The following CDC14B variants were observed in gnomAD, a reference collection of about 807,000 sequenced individuals.
CDC14B encodes cell division cycle 14B, also known as dual specificity protein phosphatase CDC14B.
Under a neutral mutation model 64.2 loss-of-function variants are expected in CDC14B, and 22 were observed. The observed-to-expected ratio is 0.34, with a 90% CI of 0.24 to 0.49. CDC14B has a LOEUF of 0.49. Among genes scored for constraint, CDC14B ranks in the 20% least tolerant of loss-of-function variants. The pLI is 0.99. For synonymous variants in CDC14B, 191 were observed against 215.8 expected, an observed-to-expected ratio of 0.89 and a Z score of 1.01; for missense variants, 498 against 629.9, an observed-to-expected ratio of 0.79 and a Z score of 2.24.
In CDC14B at chr9:96,564,790, T is replaced by C. The variant is rs558364010; in HGVS notation, c.314A>G (p.Asn105Ser). 96 of 1,596,382 alleles carry C rather than the reference T, an allele frequency of 6.0e-5. No homozygotes were observed. In the East Asian group the frequency reaches 1.8e-3, roughly 29 times the overall value. Residue 105 changes from asparagine (N) to serine (S), a missense_variant, in exon 3 of 14, where the codon AAT (asparagine) becomes AGT (serine). Coordinates refer to ENST00000375241, the MANE Select transcript of CDC14B (RefSeq NM_033331.4). ...AMVYRYCCKINKKLKSITMLR... is the reference protein window; with the variant it reads ...AMVYRYCCKISKKLKSITMLR... ...TAAAGACTTTACCTTTAATTTCTTA[T>C]TGATCTTGCAACAATATCTGTAAAC...
At chr9:96,560,999 C>T (rs911609438) in intron 4 of CDC14B, among the ~76,000 whole-genome samples, 1 of 152,084 alleles carries the variant, frequency 6.6e-6, no homozygotes, top group Non-Finnish European at 1.5e-5. Flanking sequence ...TGCAGTGGCA[C>T]GATCTCAGCT....
At chr9:96,548,618 A>C (rs1841340823) in intron 5 of CDC14B, among the ~76,000 whole-genome samples, 1 of 152,106 alleles carries the variant, frequency 6.6e-6, no homozygotes, top group Admixed American at 6.5e-5. Flanking sequence ...GGGGGTTGAG[A>C]CCAGCCTGGG....
intron 1 of CDC14B, among the ~76,000 whole-genome samples, chr9:96,579,543 G>A (rs1414282129): frequency 2.0e-5 from 3 of 150,154 alleles, no homozygotes; most frequent in East Asian, 2.0e-4. Flanking sequence ...CCAAAATCAC[G>A]CAATGCACTC....
chr9:96,534,984 A>T (rs372352769), intron 7 of CDC14B, among the ~76,000 whole-genome samples: 1 of 152,286 alleles, frequency 6.6e-6, no homozygotes, highest in South Asian at 2.1e-4. Context: ...AGGGGGAAAA[A>T]CTATCTACTT....
At position 96,539,535 on chromosome 9, in the gene CDC14B, T is replaced by C. The variant is rs111583793; in HGVS notation, c.565-395A>G. Among the ~76,000 whole-genome samples the C allele has an allele frequency of 1.7e-3, 258 of 152,272 alleles. 3 individuals are homozygous for C. Among genetic ancestry groups the C allele is most frequent in the African/African-American group, 5.4e-3 (226 of 41,562 alleles). On this transcript the variant is annotated intron_variant, in intron 6 of 13. Transcript: ENST00000375241. ...TCAAATATAATGCACAACCCAATGG[T>C]CTCTACATCGATAAGAAAGAGGAGA...
intron 1 of CDC14B, among the ~76,000 whole-genome samples, chr9:96,617,286 T>C (rs1336797773): frequency 6.6e-6 from 1 of 151,712 alleles, no homozygotes; most frequent in Non-Finnish European, 1.5e-5. Flanking sequence ...AATTGGTGAC[T>C]GCCTCACGAA....
chr9:96,583,788 GGCTCCCTGCAA>G (rs1845313260), intron 1 of CDC14B, among the ~76,000 whole-genome samples: 1 of 151,950 alleles, frequency 6.6e-6, no homozygotes, highest in Admixed American at 6.6e-5. Context: ...GCGCGATCTA[GGCTCCCTGCAA>G]GCTCCGCCTC....
rs534169555 is a variant in CDC14B, at chr9:96,512,156, T to C, written c.1344-2367A>G. Among the ~76,000 whole-genome samples the C allele has an allele frequency of 8.8e-4, 133 of 151,478 alleles. 1 individual carries two copies. Among genetic ancestry groups the C allele is most frequent in the Middle Eastern group, 3.4e-3 (1 of 294 alleles). On this transcript the variant is annotated intron_variant, in intron 12 of 13. Transcript: ENST00000375241. ...TCACTTGAGCCTGGGAGGTCAAGACTGCAGTGAGCCATGTTTGTGTCACCG... is the reference window on the plus strand; with the variant it reads ...TCACTTGAGCCTGGGAGGTCAAGACCGCAGTGAGCCATGTTTGTGTCACCG...
intron 12 of CDC14B, among the ~76,000 whole-genome samples, chr9:96,513,229 C>A (rs1835156462): frequency 6.6e-6 from 1 of 152,174 alleles, no homozygotes; most frequent in African/African-American, 2.4e-5. Context: ...ATTAACCACA[C>A]CACGGAAGAC....
intron 1 of CDC14B, among the ~76,000 whole-genome samples, chr9:96,589,338 TAA>T (rs11292688): frequency 9.2e-4 from 136 of 147,820 alleles, no homozygotes; most frequent in South Asian, 1.7e-3. Flanking sequence ...GACTCCGTCT[TAA>T]AAAAAAAAAA....
chr9:96,605,454 T>C (rs1017948735), intron 1 of CDC14B, among the ~76,000 whole-genome samples: 1 of 152,156 alleles, frequency 6.6e-6, no homozygotes, highest in South Asian at 2.1e-4. Context: ...GCAGCGTGTG[T>C]CCTATACTGG....
intron 4 of CDC14B, among the ~76,000 whole-genome samples, chr9:96,555,414 C>A (rs1375340520): frequency 2.0e-5 from 3 of 152,166 alleles, no homozygotes; most frequent in African/African-American, 7.2e-5. Flanking sequence ...ATGGACCCTC[C>A]AGGTGAATGC....
chr9:96,507,528 G>T (rs1457259691), intron 13 of CDC14B, among the ~76,000 whole-genome samples: 1 of 151,452 alleles, frequency 6.6e-6, no homozygotes, highest in Non-Finnish European at 1.5e-5. Flanking sequence ...TGATTCTCCA[G>T]CCTCAGCCTC....
rs563136468 is a variant in CDC14B, at chr9:96,542,207, A to C, written c.498-315T>G. On this transcript the variant is annotated intron_variant, in intron 5 of 13. Transcript: ENST00000375241. ...TCTTGAATTCAACAAATCAATACCT[A>C]TCTCTCCCCCAAAGGGGCAAAGCAT... Among the ~76,000 whole-genome samples, 11 of 151,092 alleles carry C rather than the reference A, an allele frequency of 7.3e-5. No homozygotes were observed. In the East Asian group the frequency reaches 1.9e-3, roughly 26 times the overall value.
At chr9:96,508,152 A>C (rs2131308188) in intron 13 of CDC14B, among the ~76,000 whole-genome samples, 1 of 151,990 alleles carries the variant, frequency 6.6e-6, no homozygotes, top group South Asian at 2.1e-4. Context: ...AGTAGCTGGG[A>C]CCACAGGTGC....
At chr9:96,529,491 T>C (rs1489878102) in intron 9 of CDC14B, among the ~76,000 whole-genome samples, 1 of 118,700 alleles carries the variant, frequency 8.4e-6, no homozygotes, top group Non-Finnish European at 1.6e-5. Context: ...GTACTAAGCC[T>C]TTTTTTTTTT....
intron 4 of CDC14B, among the ~76,000 whole-genome samples, chr9:96,553,360 C>CTTT (rs113951578): frequency 7.2e-6 from 1 of 138,604 alleles, no homozygotes; most frequent in African/African-American, 2.7e-5. Flanking sequence ...CTTTTCTTTT[C>CTTT]TTTTTTTTTT....
chr9:96,524,430 G>C (rs762376377), intron 9 of CDC14B, among the ~76,000 whole-genome samples: 8 of 152,142 alleles, frequency 5.3e-5, no homozygotes, highest in South Asian at 2.1e-4. Flanking sequence ...AAAACCAAAG[G>C]CTTGTAATTT....
intron 12 of CDC14B, among the ~76,000 whole-genome samples, chr9:96,519,120 G>A (rs150794804): frequency 0.013 from 1,986 of 151,740 alleles, 43 homozygotes; most frequent in African/African-American, 0.045. Context: ...TGGGCGACAG[G>A]GCGATACTCT....
Sources: gnomAD v4.1 joint callset for allele counts (sites outside exome capture counted in the v4.1 genomes callset) on GRCh38, gnomAD v4.1.1 for gene constraint, MANE v1.5 for transcripts, NCBI Gene and HGNC (gene_info 2026-07-23, HGNC 2026-07-21) for gene names.